Variants in DPY19L4 observed in about 807,000 individuals in gnomAD.
The protein encoded by DPY19L4 is dpy-19 like 4.
Under a neutral mutation model 102.8 loss-of-function variants are expected in DPY19L4, and 97 were observed. The ratio of observed to expected loss-of-function variants is 0.94; its 90% confidence interval spans 0.80 to 1.12. DPY19L4 has a LOEUF of 1.12. Ranked by LOEUF, DPY19L4 falls within the 50% of genes most tolerant of loss-of-function variation. The pLI, the probability that DPY19L4 is intolerant of heterozygous loss-of-function variation, is 0.00. For missense variants in DPY19L4, 815 were observed against 850.4 expected, an observed-to-expected ratio of 0.96 and a Z score of 0.52; for synonymous variants, 252 against 283.1, an observed-to-expected ratio of 0.89 and a Z score of 1.10.
At chr8:94,776,375 G>T (rs1342147225) in intron 13 of DPY19L4, among the ~76,000 whole-genome samples, 1 of 151,256 alleles carries the variant, frequency 6.6e-6, no homozygotes, top group Non-Finnish European at 1.5e-5. Context: ...CACCATGTTG[G>T]CCAGGATGGT....
chr8:94,755,339 T>C (rs1361528838), intron 6 of DPY19L4, among the ~76,000 whole-genome samples: 2 of 152,162 alleles, frequency 1.3e-5, no homozygotes, highest in Non-Finnish European at 2.9e-5. Context: ...ATGCTGCTAA[T>C]TATGCGGTGC....
At chr8:94,765,063 CT>C in intron 8 of DPY19L4, 119 bp from the exon 9 acceptor site, 1 of 778,208 alleles carries the variant, frequency 1.3e-6, no homozygotes, top group South Asian at 2.3e-5. Context: ...TTGCATAATA[CT>C]TTCCTAAATT....
rs1427704805 is a variant in DPY19L4 at position 94,729,765 on chromosome 8, T to A, written c.127+3324T>A. 3.9e-3 allele frequency among the ~76,000 whole-genome samples: 562 copies of A among 145,070 alleles called. 6 individuals carry two copies. The highest frequency in any genetic ancestry group is 0.014 in the African/African-American group (531 of 39,090). On this transcript the variant is annotated intron_variant, in intron 2 of 18. Transcript: ENST00000414645. ...AGGATTGCTTAAGCCTGAGAAGTGG[T>A]GTTTGCAGTGAGCCAGGATCACGCC... is the stretch of plus-strand genomic sequence containing the variant.
In DPY19L4 at chr8:94,792,164, TAAAA is replaced by T. The variant is rs971316145; in HGVS notation, c.*2257_*2260del. 2.0e-5 allele frequency: 3 copies of T among 152,116 alleles called. No homozygotes were observed. Among genetic ancestry groups the T allele is most frequent in the African/African-American group, 7.2e-5 (3 of 41,426 alleles). 9.4% of individuals were successfully genotyped at this position (152,116 alleles called of 1,614,324 possible). A position where few individuals can be genotyped will look rare whatever the true frequency, so the allele number is the denominator to read the frequency against. On this transcript the variant is annotated 3_prime_UTR_variant, in exon 19 of 19. Coordinates refer to ENST00000414645, the MANE Select transcript of DPY19L4 (RefSeq NM_181787.3). ...GGGTGGAAGGAATTTCTCAAAGAAA[TAAAA>T]AATGTTCTTTGCCCTTGATACTGCA...
chr8:94,758,278 A>T (rs758964347), intron 7 of DPY19L4, among the ~76,000 whole-genome samples: 11 of 152,108 alleles, frequency 7.2e-5, no homozygotes, highest in Non-Finnish European at 1.5e-4. Flanking sequence ...CCCCAGTAAT[A>T]TCTTGCATGA....
intron 7 of DPY19L4, among the ~76,000 whole-genome samples, chr8:94,758,934 C>T (rs769275383): frequency 1.3e-5 from 2 of 152,066 alleles, no homozygotes; most frequent in Non-Finnish European, 1.5e-5. Context: ...GGAGTTTCAC[C>T]ATGTTGGCCA....
At chr8:94,740,177 T>G (rs1373624652) in intron 6 of DPY19L4, among the ~76,000 whole-genome samples, 1 of 152,220 alleles carries the variant, frequency 6.6e-6, no homozygotes, top group African/African-American at 2.4e-5. Flanking sequence ...TGATTTTAGC[T>G]TAGGGATACT....
intron 6 of DPY19L4, among the ~76,000 whole-genome samples, chr8:94,747,754 G>A (rs1811744043): frequency 1.3e-5 from 2 of 151,804 alleles, no homozygotes; most frequent in Admixed American, 6.6e-5. Flanking sequence ...TAGAGATGGG[G>A]TTTCACCATG....
At position 94,756,047 on chromosome 8, in the gene DPY19L4, C is replaced by T. The variant is rs375681274; in HGVS notation, c.623C>T (p.Thr208Ile). ...GTGGTTTATTTTAGGGTAGATACAA[C>T]AAGAATTGAATACTCCATTCCTTTA... ...AWFVINRVDT[T>I]RIEYSIPLRE... Residue 208 changes from threonine to isoleucine, a missense_variant, in exon 7 of 19, where the codon ACA (threonine) becomes ATA (isoleucine). Transcript: ENST00000414645. 1.5e-5 allele frequency: 24 copies of T among 1,610,412 alleles called. No individual in the cohort carries two copies. The highest frequency in any genetic ancestry group is 2.0e-5 in the Non-Finnish European group (24 of 1,179,394).
At chr8:94,767,483 C>T (rs902208464) in intron 11 of DPY19L4, among the ~76,000 whole-genome samples, 57 of 151,862 alleles carry the variant, frequency 3.8e-4, no homozygotes, top group Admixed American at 2.6e-4. Flanking sequence ...TTAGTAGAGA[C>T]GGGGTTTCAC....
Position 94,734,710 on chromosome 8 carries a change from T to C in DPY19L4, c.208T>C (p.Leu70=), listed in dbSNP as rs2130806662. 1 of 1,614,062 alleles carries C rather than the reference T, an allele frequency of 6.2e-7. No homozygotes were observed. The highest frequency in any genetic ancestry group is 1.1e-5 in the South Asian group (1 of 91,052). The part of the protein sequence containing the change: ...VTSGMMYALY[L]SAYHERKFWF... ...TAGTGGTATGATGTATGCTCTCTAC[T>C]TATCAGCATACCATGAACGGAAATT... Residue 70 remains leucine, a synonymous_variant, in exon 3 of 19, where the codon TTA becomes CTA. Coordinates refer to ENST00000414645, the MANE Select transcript of DPY19L4 (RefSeq NM_181787.3).
At chr8:94,723,818 G>C (rs1049782046) in intron 1 of DPY19L4, among the ~76,000 whole-genome samples, 8 of 152,040 alleles carry the variant, frequency 5.3e-5, no homozygotes, top group Admixed American at 5.2e-4. Context: ...TCAAACGTAT[G>C]GCATCTTAGA....
intron 2 of DPY19L4, among the ~76,000 whole-genome samples, chr8:94,732,651 ATAGT>A (rs925317687): frequency 1.3e-5 from 2 of 152,158 alleles, no homozygotes; most frequent in Non-Finnish European, 2.9e-5. Context: ...CTTTAGGTTT[ATAGT>A]TAGTTATTCT....
At chr8:94,778,539 G>A (rs35937656) in intron 14 of DPY19L4, among the ~76,000 whole-genome samples, 16,355 of 151,974 alleles carry the variant, frequency 0.11, 1,049 homozygotes, top group Non-Finnish European at 0.15. Context: ...TGCTCCCTCC[G>A]CTTCCACTTT....
intron 17 of DPY19L4, among the ~76,000 whole-genome samples, chr8:94,786,821 T>C (rs1813674580): frequency 1.3e-5 from 2 of 152,216 alleles, no homozygotes; most frequent in Non-Finnish European, 2.9e-5. Flanking sequence ...GTGCTGGGAT[T>C]ACAGGCGTGA....
chr8:94,723,332 G>T (rs532862689), intron 1 of DPY19L4, among the ~76,000 whole-genome samples: 6 of 152,290 alleles, frequency 3.9e-5, no homozygotes, highest in African/African-American at 1.4e-4. Context: ...AATTAGCTGG[G>T]CGTAGTGGCG....
intron 3 of DPY19L4, among the ~76,000 whole-genome samples, chr8:94,736,250 T>A (rs575313823): frequency 2.6e-5 from 4 of 152,288 alleles, no homozygotes; most frequent in African/African-American, 9.6e-5. Context: ...TCCAAATATC[T>A]TCTCATTGGG....
At chr8:94,733,172 C>T (rs1273510525) in intron 2 of DPY19L4, among the ~76,000 whole-genome samples, 1 of 128,500 alleles carries the variant, frequency 7.8e-6, no homozygotes, top group Non-Finnish European at 1.5e-5. Flanking sequence ...GTCGCCCAGG[C>T]TGGAGCGCAG....
At chr8:94,723,292 G>T (rs1163312238) in intron 1 of DPY19L4, among the ~76,000 whole-genome samples, 1 of 152,158 alleles carries the variant, frequency 6.6e-6, no homozygotes, top group Non-Finnish European at 1.5e-5. Flanking sequence ...CCAACATGAT[G>T]AAACCCCTGT....
Sources: allele counts gnomAD v4.1 joint callset (sites outside exome capture counted in the v4.1 genomes callset), GRCh38; gene constraint gnomAD v4.1.1; transcripts MANE v1.5; gene names NCBI Gene and HGNC (gene_info 2026-07-23, HGNC 2026-07-21).